GRHL3: variants seen among roughly 807,000 people sequenced by gnomAD.
GRHL3 encodes the protein grainyhead like transcription factor 3, also known as grainyhead-like protein 3 homolog.
A neutral mutation model predicts 70.3 loss-of-function variants in GRHL3; 20 were observed. The ratio of observed to expected loss-of-function variants is 0.28; its 90% CI spans 0.20 to 0.41. The LOEUF (loss-of-function observed/expected upper bound fraction) is 0.41, where lower values mean the gene tolerates loss of function less well. Ranked by LOEUF, GRHL3 falls within the 10% of genes least tolerant of loss-of-function variation. The pLI is 1.00. For synonymous variants in GRHL3, 299 were observed against 299.9 expected, an observed-to-expected ratio of 1.00 and a Z score of 0.03; for missense variants, 637 against 762.3, an observed-to-expected ratio of 0.84 and a Z score of 1.94.
downstream of GRHL3, among the ~76,000 whole-genome samples, chr1:24,356,335 C>T (rs143454268): frequency 4.0e-3 from 614 of 152,008 alleles, 4 homozygotes; most frequent in African/African-American, 0.014. Flanking sequence ...CTCCGCCTCC[C>T]GGGTTCACGC....
At chr1:24,350,223 G>C in intron 15 of GRHL3, 101 bp downstream of exon 15, 1 of 934,024 alleles carries the variant, frequency 1.1e-6, no homozygotes, top group Non-Finnish European at 1.6e-6. Context: ...AGTTGGGGTG[G>C]AGAGCTCCCC....
In GRHL3 at chr1:24,336,890, A is replaced by AGAT. The variant is rs145763021; in HGVS notation, c.612+64_612+66dup. ...GTGTGTGCATATACAGAATGAGAGA[A>AGAT]GATAGTGAACAGATCAGAGCTTTGG... On this transcript the variant is annotated intron_variant, in intron 4 of 15. Coordinates refer to ENST00000361548, the MANE Select transcript of GRHL3 (RefSeq NM_198173.3). 3.3e-3 allele frequency: 4,513 copies of AGAT among 1,385,864 alleles called. 80 individuals are homozygous for AGAT. In the African/African-American group the frequency reaches 0.04, roughly 12 times the overall value. The allele number at this position is 1,385,864 out of a possible 1,614,324, so 85.8% of individuals were successfully genotyped here.
intron 15 of GRHL3, among the ~76,000 whole-genome samples, chr1:24,353,007 A>G (rs1640578023): frequency 6.6e-6 from 1 of 152,144 alleles, no homozygotes; most frequent in Admixed American, 6.5e-5. Context: ...CGCCACTTCA[A>G]AGAACTCTCC....
intron 15 of GRHL3, among the ~76,000 whole-genome samples, chr1:24,350,729 G>A (rs1640471105): frequency 6.6e-6 from 1 of 152,330 alleles, no homozygotes; most frequent in Admixed American, 6.5e-5. Context: ...GTCATTTTGA[G>A]GGAATCCAGC....
intron 12 of GRHL3, 98 bp downstream of exon 12, chr1:24,345,029 T>G (rs1356334366): frequency 1.9e-5 from 16 of 847,370 alleles, no homozygotes; most frequent in Non-Finnish European, 2.6e-5. Context: ...CTGTGCCCCC[T>G]CTACACCTGT....
intron 3 of GRHL3, among the ~76,000 whole-genome samples, chr1:24,336,239 T>G (rs1028181746): frequency 6.6e-6 from 1 of 151,942 alleles, no homozygotes; most frequent in Non-Finnish European, 1.5e-5. Context: ...TAATAAGTAC[T>G]GTAATGGATA....
downstream of GRHL3, among the ~76,000 whole-genome samples, chr1:24,359,706 T>G (rs1346305919): frequency 6.6e-6 from 1 of 152,194 alleles, no homozygotes; most frequent in Admixed American, 6.5e-5. The surrounding 1 kb of genome is among the most constrained non-coding windows in gnomAD (Gnocchi z 5.3). Context: ...GTAACCAAGC[T>G]GGCAGTCATC....
At chr1:24,364,203 C>G in exon 16 of GRHL3, 1 of 1,537,526 alleles carries the variant, frequency 6.5e-7, no homozygotes, top group Non-Finnish European at 8.8e-7. Context: ...CTCTCCTCCA[C>G]CCACGCCTGT....
At chr1:24,319,785 CTT>C in intron 1 of GRHL3, 1 of 1,403,354 alleles carries the variant, frequency 7.1e-7, no homozygotes, top group Non-Finnish European at 9.4e-7. Flanking sequence ...TTCTCATTCT[CTT>C]TGCTGAGCAG....
chr1:24,343,172 A>G, intron 11 of GRHL3, 147 bp downstream of exon 11: 2 of 800,038 alleles, frequency 2.5e-6, no homozygotes, highest in Non-Finnish European at 4.1e-6. Context: ...TTAAACATGT[A>G]TATATGGTCC....
downstream of GRHL3, chr1:24,357,850 G>C (rs949862803): frequency 3.3e-6 from 1 of 303,072 alleles, no homozygotes; most frequent in African/African-American, 2.2e-5. Flanking sequence ...ATTCAGTCCC[G>C]CCAGCAGAGA....
chr1:24,343,087 C>A, intron 11 of GRHL3, 62 bp downstream of exon 11: 2 of 1,605,002 alleles, frequency 1.2e-6, no homozygotes, highest in Admixed American at 1.7e-5. Flanking sequence ...CTAGGTGGGG[C>A]CTGCCTTAGC....
intron 1 of GRHL3, among the ~76,000 whole-genome samples, chr1:24,324,813 A>G (rs1376331345): frequency 1.3e-5 from 2 of 152,164 alleles, no homozygotes; most frequent in Admixed American, 6.5e-5. Flanking sequence ...GCCCACTCCC[A>G]TAACGATGAG....
intron 1 of GRHL3, among the ~76,000 whole-genome samples, chr1:24,328,980 C>T (rs1233370055): frequency 6.6e-6 from 1 of 152,146 alleles, no homozygotes; most frequent in Non-Finnish European, 1.5e-5. Context: ...GCTGGGCAGA[C>T]AGTGAGGGTG....
downstream of GRHL3, among the ~76,000 whole-genome samples, chr1:24,359,530 G>C (rs1229927143): frequency 6.6e-6 from 1 of 152,216 alleles, no homozygotes. This position sits in a 1 kb window ranked among gnomAD's most constrained non-coding sequence, Gnocchi z 5.3. Context: ...AAAGCTAGGA[G>C]AATGACCTTC....
At chr1:24,333,061 A>C (rs1264566919) in intron 2 of GRHL3, among the ~76,000 whole-genome samples, 1 of 152,242 alleles carries the variant, frequency 6.6e-6, no homozygotes, top group Non-Finnish European at 1.5e-5. Context: ...CATCAGATAC[A>C]ATCCAACTCC....
At chr1:24,330,996 T>C (rs1258088469) in intron 1 of GRHL3, among the ~76,000 whole-genome samples, 1 of 152,276 alleles carries the variant, frequency 6.6e-6, no homozygotes, top group East Asian at 1.9e-4. Flanking sequence ...TCTGTGCCTT[T>C]CACAGTCTTG....
chr1:24,331,335 ACT>A (rs1216952074), intron 1 of GRHL3, 89 bp from the exon 2 acceptor site: 2 of 1,185,940 alleles, frequency 1.7e-6, no homozygotes, highest in African/African-American at 1.5e-5. Flanking sequence ...AAAGCTAATA[ACT>A]CTGAATTCCT....
chr1:24,349,944 A>G (rs1640438716), intron 14 of GRHL3, 114 bp from the exon 15 acceptor site: 1 of 697,286 alleles, frequency 1.4e-6, no homozygotes, highest in South Asian at 1.9e-5. Context: ...ATTTGCCCAC[A>G]ATATGCATAT....
Sources: gnomAD v4.1 joint callset for allele counts (sites outside exome capture counted in the v4.1 genomes callset) on GRCh38, gnomAD v4.1.1 for gene constraint, Gnocchi (gnomAD v3.1) non-coding constraint, MANE v1.5 for transcripts, NCBI Gene and HGNC (gene_info 2026-07-23, HGNC 2026-07-21) for gene names.